Variants in PDIA5 observed in about 807,000 individuals in gnomAD.
PDIA5 encodes protein disulfide-isomerase A5.
A neutral mutation model predicts 77.6 loss-of-function variants in PDIA5; 58 were observed. That is an observed-to-expected ratio of 0.75 (90% CI 0.61 to 0.93). The LOEUF (loss-of-function observed/expected upper bound fraction) is 0.93, where lower values mean the gene tolerates loss of function less well. Ranked by LOEUF, PDIA5 falls within the 40% of genes least tolerant of loss-of-function variation. The pLI, the probability that PDIA5 is intolerant of heterozygous loss-of-function variation, is 0.00. For missense variants in PDIA5, 630 were observed against 647.7 expected, an observed-to-expected ratio of 0.97 and a Z score of 0.30; for synonymous variants, 250 against 252.1, an observed-to-expected ratio of 0.99 and a Z score of 0.08.
rs765536181 is a variant in PDIA5, at chr3:123,124,372, C to T, written c.773+29C>T. 1.2e-5 allele frequency: 18 copies of T among 1,539,092 alleles called. No individual in the cohort carries two copies. The East Asian group carries it at 1.8e-4, about 15-fold the overall frequency. ...AGTGGGGTGTGTGTGTGTCAGTGGG[C>T]GTGGACCCAGAGGGCGGGGCATCTG... On this transcript the variant is annotated intron_variant, in intron 10 of 16. Coordinates refer to ENST00000316218, the MANE Select transcript of PDIA5 (RefSeq NM_006810.4).
chr3:123,077,543 CACACAT>C lies in PDIA5; in HGVS notation c.42+10343_42+10348del, dbSNP rs1933885184. On this transcript the variant is annotated intron_variant, in intron 1 of 16. Transcript: ENST00000316218. ...AGGGCCAGCCTCTTCTCCCACCTCA[CACACAT>C]ACACACACACACACACACACACACA... Among the ~76,000 whole-genome samples, 3 of 134,984 alleles carry C rather than the reference CACACAT, an allele frequency of 2.2e-5. No individual in the cohort carries two copies. In the Admixed American group the frequency reaches 2.5e-4, roughly 11 times the overall value. 88.6% of individuals were successfully genotyped at this position (134,984 alleles called of 152,430 possible). A position where few individuals can be genotyped will look rare whatever the true frequency, so the allele number is the denominator to read the frequency against.
At chr3:123,128,747 T>C (rs149526004) in intron 10 of PDIA5, among the ~76,000 whole-genome samples, 1 of 152,296 alleles carries the variant, frequency 6.6e-6, no homozygotes, top group East Asian at 1.9e-4. Flanking sequence ...TTTAAGGTGC[T>C]TAAAAAGAAT....
chr3:123,125,978 G>A (rs1239507022), intron 10 of PDIA5, among the ~76,000 whole-genome samples: 2 of 152,146 alleles, frequency 1.3e-5, no homozygotes, highest in Non-Finnish European at 2.9e-5. Context: ...TTGGGAGAAG[G>A]TCTCAACAAA....
intron 9 of PDIA5, 31 bp from the exon 10 acceptor site, chr3:123,124,241 T>A (rs769490260): frequency 6.3e-7 from 1 of 1,592,214 alleles, no homozygotes; most frequent in African/African-American, 1.3e-5. Context: ...CATCCGTGAC[T>A]GAGCCCACGT....
At chr3:123,069,921 C>A (rs920918740) in intron 1 of PDIA5, among the ~76,000 whole-genome samples, 1 of 151,926 alleles carries the variant, frequency 6.6e-6, no homozygotes, top group African/African-American at 2.4e-5. Context: ...GAAACCCCGT[C>A]TCTACTAAAA....
intron 11 of PDIA5, among the ~76,000 whole-genome samples, chr3:123,141,874 T>C (rs1227157292): frequency 6.6e-6 from 1 of 152,236 alleles, no homozygotes; most frequent in Non-Finnish European, 1.5e-5. Context: ...CCTGGGCCCC[T>C]GTGCATCAGC....
intron 13 of PDIA5, among the ~76,000 whole-genome samples, 179 bp downstream of exon 13, chr3:123,146,438 A>G (rs1215319565): frequency 6.6e-6 from 1 of 152,242 alleles, no homozygotes; most frequent in Non-Finnish European, 1.5e-5. Context: ...ACGTGTCTTG[A>G]TCAGGTCACT....
At chr3:123,141,498 G>C (rs1204547878) in intron 11 of PDIA5, among the ~76,000 whole-genome samples, 1 of 152,196 alleles carries the variant, frequency 6.6e-6, no homozygotes, top group Non-Finnish European at 1.5e-5. Context: ...TCGGGCGATA[G>C]ACTCACCGCC....
chr3:123,114,398 T>C (rs925897364), intron 7 of PDIA5, among the ~76,000 whole-genome samples: 2 of 152,046 alleles, frequency 1.3e-5, no homozygotes, highest in African/African-American at 4.8e-5. Flanking sequence ...GACTAAGATG[T>C]CTCTGCAGGC....
chr3:123,156,551 A>G (rs1487896797), intron 15 of PDIA5, among the ~76,000 whole-genome samples: 11 of 152,144 alleles, frequency 7.2e-5, no homozygotes, highest in Admixed American at 2.6e-4. Context: ...CTGCCAGTCC[A>G]CAGGACCGGA....
rs752428658 is a variant in PDIA5, at chr3:123,130,610, G to A, written c.904G>A (p.Ala302Thr). 5.7e-5 allele frequency: 92 copies of A among 1,613,808 alleles called. No homozygotes were observed. Among genetic ancestry groups the A allele is most frequent in the Non-Finnish European group, 7.8e-5 (92 of 1,179,776 alleles). The change falls in exon 11 of 17, where the codon GCC becomes ACC. Residue 302 changes from alanine to threonine, a missense_variant. Transcript: ENST00000316218. ...EHSSVLVMFH[A>T]PWCGHCKKMK... ...CTCCTCTGTCCTCGTCATGTTCCAC[G>A]CCCCATGTGAGTGGAACTTTGCTCC...
intron 15 of PDIA5, among the ~76,000 whole-genome samples, chr3:123,159,373 G>T (rs982396569): frequency 1.3e-5 from 2 of 152,170 alleles, no homozygotes; most frequent in African/African-American, 4.8e-5. Flanking sequence ...TGCGTTAGAG[G>T]TGGGCTGCGG....
At chr3:123,134,254 TC>T (rs1334148443) in intron 11 of PDIA5, among the ~76,000 whole-genome samples, 2 of 152,132 alleles carry the variant, frequency 1.3e-5, no homozygotes, top group African/African-American at 4.8e-5. Flanking sequence ...CTTTGTTGCT[TC>T]TATGCCTGTA....
chr3:123,100,323 G>A (rs1272339107), intron 3 of PDIA5, among the ~76,000 whole-genome samples: 1 of 152,240 alleles, frequency 6.6e-6, no homozygotes, highest in Non-Finnish European at 1.5e-5. Context: ...TGTAATAGCA[G>A]TTGTCAGAAG....
At chr3:123,154,228 T>G (rs1257717747) in intron 14 of PDIA5, among the ~76,000 whole-genome samples, 4 of 152,096 alleles carry the variant, frequency 2.6e-5, no homozygotes, top group African/African-American at 9.7e-5. Flanking sequence ...GGGGCCCCAG[T>G]ATAGCTCAAA....
chr3:123,150,462 C>T (rs574986319), intron 14 of PDIA5, 98 bp downstream of exon 14: 128 of 1,165,778 alleles, frequency 1.1e-4, no homozygotes, highest in Middle Eastern at 4.5e-4. Flanking sequence ...CCAAGGCAGC[C>T]GCTGATGGAT....
At chr3:123,116,064 G>A (rs1394351752) in intron 7 of PDIA5, among the ~76,000 whole-genome samples, 167 bp from the exon 8 acceptor site, 1 of 152,214 alleles carries the variant, frequency 6.6e-6, no homozygotes, top group Non-Finnish European at 1.5e-5. Context: ...GGGCTGAGAC[G>A]CCCACCTCCT....
At chr3:123,070,214 A>G (rs1933688111) in intron 1 of PDIA5, among the ~76,000 whole-genome samples, 1 of 152,234 alleles carries the variant, frequency 6.6e-6, no homozygotes. Context: ...TTTATGAAGA[A>G]TATCTAAGGA....
At chr3:123,116,371 G>T (rs1284007271) in intron 8 of PDIA5, 73 bp downstream of exon 8, 47 of 1,104,908 alleles carry the variant, frequency 4.3e-5, no homozygotes, top group Middle Eastern at 2.6e-4. Context: ...CCAGGGGTGG[G>T]GTGGGGACAG....
Sources: gnomAD v4.1 joint callset for allele counts (sites outside exome capture counted in the v4.1 genomes callset) on GRCh38, gnomAD v4.1.1 for gene constraint, MANE v1.5 for transcripts, NCBI Gene and HGNC (gene_info 2026-07-23, HGNC 2026-07-21) for gene names.